VPS45: variants seen among roughly 807,000 people sequenced by gnomAD.
VPS45 encodes vacuolar protein sorting-associated protein 45.
In VPS45, 35 loss-of-function variants were observed where a neutral mutation model predicts 75.9. The ratio of observed to expected loss-of-function variants is 0.46; its 90% confidence interval spans 0.35 to 0.61. The LOEUF (loss-of-function observed/expected upper bound fraction) is 0.61, where lower values mean the gene tolerates loss of function less well. Among genes scored for constraint, VPS45 ranks in the 20% least tolerant of loss-of-function variants. The pLI is 0.00. For missense variants in VPS45, 559 were observed against 685.9 expected (o/e 0.81, Z 2.07); for synonymous variants, 220 against 238.2 (o/e 0.92, Z 0.70).
intron 12 of VPS45, 114 bp downstream of exon 12, chr1:150,092,523 G>A (rs1656389570): frequency 1.2e-6 from 1 of 816,094 alleles, no homozygotes; most frequent in African/African-American, 1.7e-5. Flanking sequence ...ATTTAGTACT[G>A]TGTCAGTTAA....
At chr1:150,109,096 A>G (rs1657498705) in intron 13 of VPS45, 1 of 152,138 alleles carries the variant, frequency 6.6e-6, no homozygotes, top group Non-Finnish European at 1.5e-5. Flanking sequence ...TGGTGGCACG[A>G]TCTTGGCTCA....
At chr1:150,082,034 C>A in intron 9 of VPS45, 37 bp downstream of exon 9, 3 of 1,304,018 alleles carry the variant, frequency 2.3e-6, no homozygotes, top group Non-Finnish European at 3.3e-6. Context: ...AAACATGTGA[C>A]AGTTTGGTAC....
intron 3 of VPS45, 88 bp from the exon 4 acceptor site, chr1:150,076,145 A>T: frequency 1.2e-6 from 1 of 835,298 alleles, no homozygotes; most frequent in Non-Finnish European, 1.8e-6. Flanking sequence ...AAGGTCACTT[A>T]TTCATTAGGC....
At chr1:150,126,774 T>G (rs1658542264) in intron 14 of VPS45, among the ~76,000 whole-genome samples, 1 of 152,160 alleles carries the variant, frequency 6.6e-6, no homozygotes, top group Admixed American at 6.5e-5. Flanking sequence ...AAGAACAGCC[T>G]GGGCAACATA....
chr1:150,102,315 C>T (rs1428043428), intron 13 of VPS45, among the ~76,000 whole-genome samples: 18 of 150,756 alleles, frequency 1.2e-4, no homozygotes, highest in African/African-American at 3.7e-4. Flanking sequence ...TTCGGGAGGC[C>T]GAAGTGGGTG....
At chr1:150,137,948 T>G (rs1553814288) in intron 14 of VPS45, among the ~76,000 whole-genome samples, 3 of 148,492 alleles carry the variant, frequency 2.0e-5, no homozygotes, top group Admixed American at 6.7e-5. Context: ...GTTTGAAATA[T>G]CCTGCTATGT....
Position 150,067,814 on chromosome 1 carries a change from A to G in VPS45, c.-44A>G. On this transcript the variant is annotated 5_prime_UTR_variant, in exon 1 of 15. Coordinates refer to ENST00000644510, the MANE Select transcript of VPS45 (RefSeq NM_007259.5). ...CAGACTGGGGGTTAATTTAGCCAGAAAAGGGGGCGGGAAGGGCTGTAGGGT... is the reference window on the plus strand; with the variant it reads ...CAGACTGGGGGTTAATTTAGCCAGAGAAGGGGGCGGGAAGGGCTGTAGGGT... The G allele has an allele frequency of 6.3e-7, 1 of 1,599,192 alleles. No individual in the cohort carries two copies. Among genetic ancestry groups the G allele is most frequent in the East Asian group, 2.2e-5 (1 of 44,734 alleles).
intron 6 of VPS45, 39 bp downstream of exon 6, chr1:150,077,270 C>T (rs1298298046): frequency 6.3e-7 from 1 of 1,586,708 alleles, no homozygotes; most frequent in African/African-American, 1.4e-5. Context: ...AACATAAAGG[C>T]CATTCATTTC....
At chr1:150,144,595 C>T in intron 14 of VPS45, 114 bp from the exon 15 acceptor site, 4 of 881,178 alleles carry the variant, frequency 4.5e-6, no homozygotes, top group African/African-American at 1.7e-5. Flanking sequence ...AGACCAGTAC[C>T]TCCTGCCTAC....
chr1:150,113,574 C>T (rs1364269256), intron 14 of VPS45, among the ~76,000 whole-genome samples: 1 of 152,110 alleles, frequency 6.6e-6, no homozygotes, highest in East Asian at 1.9e-4. Flanking sequence ...ATTAGTTTTA[C>T]CTGTTCTTAA....
At chr1:150,100,115 C>G (rs1656898251) in intron 13 of VPS45, among the ~76,000 whole-genome samples, 1 of 152,190 alleles carries the variant, frequency 6.6e-6, no homozygotes, top group South Asian at 2.1e-4. Context: ...GCTCCTTCAG[C>G]TGATAAACAA....
At chr1:150,101,906 G>A (rs1281784036) in intron 13 of VPS45, among the ~76,000 whole-genome samples, 1 of 151,940 alleles carries the variant, frequency 6.6e-6, no homozygotes, top group Non-Finnish European at 1.5e-5. Flanking sequence ...TCCCATTACT[G>A]GGTATATACC....
At chr1:150,072,280 T>C (rs1655118715) in intron 3 of VPS45, 54 bp downstream of exon 3, 2 of 1,306,704 alleles carry the variant, frequency 1.5e-6, no homozygotes, top group South Asian at 1.3e-5. Flanking sequence ...AGTTAGTGTG[T>C]TTCATTGAGC....
In VPS45 at chr1:150,145,091, G is replaced by A. The variant is rs1659606191; in HGVS notation, c.*295G>A. ...ATCTGACTTGGGGAAAGGGTTATCA[G>A]AGCCTAGAGGGGCTTAAAAAGTAAT... On this transcript the variant is annotated 3_prime_UTR_variant, in exon 15 of 15. Coordinates refer to ENST00000644510, the MANE Select transcript of VPS45 (RefSeq NM_007259.5). 6 of 645,306 alleles carry A rather than the reference G, an allele frequency of 9.3e-6. 1 individual carries two copies. The highest frequency in any genetic ancestry group is 8.6e-5 in the South Asian group (4 of 46,402). 40.0% of individuals were successfully genotyped at this position (645,306 alleles called of 1,614,324 possible).
At chr1:150,117,543 A>ATAAG (rs1395279669) in intron 14 of VPS45, among the ~76,000 whole-genome samples, 21 of 150,302 alleles carry the variant, frequency 1.4e-4, no homozygotes, top group Non-Finnish European at 1.6e-4. Context: ...AAATAAATAA[A>ATAAG]TAAGTAAAAA....
intron 14 of VPS45, among the ~76,000 whole-genome samples, chr1:150,118,176 C>A (rs1165007158): frequency 1.4e-5 from 2 of 145,152 alleles, no homozygotes; most frequent in African/African-American, 5.1e-5. Context: ...CCCAGCTACT[C>A]GGGAGGCTGA....
At chr1:150,112,706 C>G (rs1456424361) in intron 14 of VPS45, among the ~76,000 whole-genome samples, 3 of 152,156 alleles carry the variant, frequency 2.0e-5, no homozygotes, top group Admixed American at 6.5e-5. Flanking sequence ...ACAAGACCAC[C>G]CCTACTTCAG....
chr1:150,092,439 G>A (rs782415502), intron 12 of VPS45, 30 bp downstream of exon 12: 113 of 1,581,292 alleles, frequency 7.1e-5, no homozygotes, highest in Middle Eastern at 5.0e-4. Flanking sequence ...GCTCTCCTGA[G>A]TGAGAACAGT....
Position 150,076,260 on chromosome 1 carries a change from A to C in VPS45, c.317A>C (p.Asp106Ala), listed in dbSNP as rs1553798052. 2 of 1,608,664 alleles carry C rather than the reference A, an allele frequency of 1.2e-6. No homozygotes were observed. The highest frequency in any genetic ancestry group is 1.7e-6 in the Non-Finnish European group (2 of 1,177,128). The change falls in exon 4 of 15, where the codon GAC becomes GCC. Residue 106 changes from aspartate (D) to alanine (A), a missense_variant. Physicochemically the swap from Asp to Ala is moderately radical, Grantham distance 126 (BLOSUM62 -2). Coordinates refer to ENST00000644510, the MANE Select transcript of VPS45 (RefSeq NM_007259.5). ...IYFSNVISKS[D>A]VKSLAEADEQ... ...TTCAGTAATGTGATCAGCAAGAGTG[A>C]CGTGAAGTCATTGGCTGAAGCTGAT...
Sources: allele counts gnomAD v4.1 joint callset (sites outside exome capture counted in the v4.1 genomes callset), GRCh38; gene constraint gnomAD v4.1.1; transcripts MANE v1.5; gene names NCBI Gene and HGNC (gene_info 2026-07-23, HGNC 2026-07-21).